NEK10: variants seen among roughly 807,000 people sequenced by gnomAD.
NEK10 encodes the protein serine/threonine-protein kinase Nek10.
Under a neutral mutation model 159.8 loss-of-function variants are expected in NEK10, and 122 were observed. The ratio of observed to expected loss-of-function variants is 0.76; its 90% CI spans 0.66 to 0.89. NEK10 has a LOEUF of 0.89. Ranked by LOEUF, NEK10 falls within the 40% of genes least tolerant of loss-of-function variation. NEK10 has a pLI of 0.00. For synonymous variants in NEK10, 466 were observed against 457.1 expected (o/e 1.02, Z -0.25); for missense variants, 1,342 against 1,323.1 (o/e 1.01, Z -0.22).
intron 22 of NEK10, among the ~76,000 whole-genome samples, chr3:27,275,326 C>A (rs1011495219): frequency 1.3e-5 from 2 of 152,144 alleles, no homozygotes; most frequent in Non-Finnish European, 2.9e-5. Flanking sequence ...ACTGAATTTC[C>A]TTTGACATTT....
At chr3:27,153,754 T>C (rs1268763357) in intron 30 of NEK10, among the ~76,000 whole-genome samples, 2 of 152,086 alleles carry the variant, frequency 1.3e-5, no homozygotes, top group South Asian at 2.1e-4. Flanking sequence ...ATTCTTTGAA[T>C]TGAATGACAA....
chr3:27,341,305 T>C (rs866795703), intron 5 of NEK10, among the ~76,000 whole-genome samples: 1 of 152,104 alleles, frequency 6.6e-6, no homozygotes, highest in African/African-American at 2.4e-5. Context: ...CGCGTGACTA[T>C]AGTTAACAAC....
chr3:27,359,146 G>C (rs1189239544), intron 1 of NEK10, among the ~76,000 whole-genome samples: 1 of 147,104 alleles, frequency 6.8e-6, no homozygotes, highest in Admixed American at 6.9e-5. Flanking sequence ...AGGTTGCAGT[G>C]AGCCGAGACC....
rs1001724728 is a variant in NEK10, at chr3:27,109,315, G to A, written c.*1957C>T. On this transcript the variant is annotated 3_prime_UTR_variant, in exon 36 of 36. Coordinates refer to ENST00000691995, the MANE Select transcript of NEK10 (RefSeq NM_001394966.1). ...AATTGCTTGAACCTGGGTGGCGGAG[G>A]TTGCAGTAAGTTAAGATCTCGCCAT... is the stretch of plus-strand genomic sequence containing the variant. Among the ~76,000 whole-genome samples the A allele has an allele frequency of 2.0e-5, 3 of 149,360 alleles. No individual in the cohort carries two copies. The highest frequency in any genetic ancestry group is 4.4e-5 in the Non-Finnish European group (3 of 67,600).
At chr3:27,239,035 T>G (rs1954273796) in intron 23 of NEK10, among the ~76,000 whole-genome samples, 1 of 152,060 alleles carries the variant, frequency 6.6e-6, no homozygotes, top group Admixed American at 6.6e-5. Context: ...AAGTTACACA[T>G]GAAGACTTGG....
At chr3:27,131,503 T>C (rs1436603951) in intron 32 of NEK10, among the ~76,000 whole-genome samples, 3 of 152,182 alleles carry the variant, frequency 2.0e-5, no homozygotes, top group Non-Finnish European at 4.4e-5. Flanking sequence ...AAAAAATCAA[T>C]GGCCCCAGAT....
chr3:27,150,908 T>C (rs1944790304), intron 30 of NEK10, among the ~76,000 whole-genome samples: 1 of 152,054 alleles, frequency 6.6e-6, no homozygotes, highest in South Asian at 2.1e-4. Context: ...AAGAACAAAC[T>C]AGGAATCCTG....
chr3:27,263,306 C>T (rs1203895033), intron 22 of NEK10, among the ~76,000 whole-genome samples: 1 of 152,216 alleles, frequency 6.6e-6, no homozygotes, highest in Admixed American at 6.5e-5. Context: ...CTCAGATCTC[C>T]AGCTGCGTGC....
At chr3:27,273,978 C>T (rs2041575380) in intron 22 of NEK10, among the ~76,000 whole-genome samples, 1 of 146,490 alleles carries the variant, frequency 6.8e-6, no homozygotes, top group Non-Finnish European at 1.5e-5. Context: ...ATCTCTGCCC[C>T]TCAAACTGCT....
At chr3:27,326,523 T>TAATATA (rs1575758458) in intron 5 of NEK10, among the ~76,000 whole-genome samples, 1 of 152,198 alleles carries the variant, frequency 6.6e-6, no homozygotes, top group Non-Finnish European at 1.5e-5. Flanking sequence ...TTTTTCATAT[T>TAATATA]AATATAAATA....
At chr3:27,306,846 G>T (rs1479502287) in intron 11 of NEK10, among the ~76,000 whole-genome samples, 1 of 152,024 alleles carries the variant, frequency 6.6e-6, no homozygotes, top group Non-Finnish European at 1.5e-5. Context: ...TGTTCTTATG[G>T]TCCTGCTGTG....
chr3:27,334,544 T>C (rs954884416), intron 5 of NEK10, among the ~76,000 whole-genome samples: 2 of 152,186 alleles, frequency 1.3e-5, no homozygotes, highest in Middle Eastern at 6.8e-3. Flanking sequence ...TAGCCTACCT[T>C]GTGTCCCAGT....
intron 23 of NEK10, among the ~76,000 whole-genome samples, chr3:27,239,417 T>C (rs1954305478): frequency 6.6e-6 from 1 of 152,088 alleles, no homozygotes; most frequent in Non-Finnish European, 1.5e-5. Flanking sequence ...GTGAGGGTAA[T>C]TGTGGGTAGG....
intron 23 of NEK10, among the ~76,000 whole-genome samples, chr3:27,241,865 C>G (rs987046811): frequency 2.6e-5 from 4 of 152,130 alleles, no homozygotes; most frequent in Admixed American, 2.6e-4. Context: ...GAATCTTGAG[C>G]CTGGACATTG....
chr3:27,207,098 C>G (rs920430252), intron 23 of NEK10, among the ~76,000 whole-genome samples: 1 of 152,208 alleles, frequency 6.6e-6, no homozygotes, highest in African/African-American at 2.4e-5. Context: ...TCCCAGGGAA[C>G]CTTTCTGATG....
intron 31 of NEK10, among the ~76,000 whole-genome samples, 159 bp downstream of exon 31, chr3:27,141,323 T>C (rs893476662): frequency 2.6e-5 from 4 of 152,202 alleles, no homozygotes; most frequent in Non-Finnish European, 5.9e-5. Context: ...TCTACTGCCT[T>C]CCCAGCTCTG....
At chr3:27,365,610 GTTTTTTTTT>G (rs71091129) in intron 1 of NEK10, among the ~76,000 whole-genome samples, 8 of 99,106 alleles carry the variant, frequency 8.1e-5, no homozygotes, top group East Asian at 3.3e-4. Context: ...TTTTTTTTGT[GTTTTTTTTT>G]TTTTTTTTTT....
intron 26 of NEK10, among the ~76,000 whole-genome samples, chr3:27,185,013 C>T (rs1023415705): frequency 2.0e-5 from 3 of 151,974 alleles, no homozygotes; most frequent in Non-Finnish European, 2.9e-5. Context: ...TTCTTATATG[C>T]TCAACTTTAA....
rs1427490865 is a variant in NEK10, at chr3:27,168,801, T to C, written c.2831+3018A>G. Reference sequence around the variant, plus strand: ...ACCTTGGAACATACTTTCCAAAACATCAACTTCAATGTATGGGCCACTTTC... The same window carrying C: ...ACCTTGGAACATACTTTCCAAAACACCAACTTCAATGTATGGGCCACTTTC... On this transcript the variant is annotated intron_variant, in intron 29 of 35. Coordinates refer to ENST00000691995, the MANE Select transcript of NEK10 (RefSeq NM_001394966.1). Among the ~76,000 whole-genome samples, 5 of 152,214 alleles carry C rather than the reference T, an allele frequency of 3.3e-5. No individual in the cohort carries two copies. In the East Asian group the frequency reaches 9.6e-4, roughly 29 times the overall value.
Sources: allele counts gnomAD v4.1 joint callset (sites outside exome capture counted in the v4.1 genomes callset), GRCh38; gene constraint gnomAD v4.1.1; transcripts MANE v1.5; gene names NCBI Gene and HGNC (gene_info 2026-07-23, HGNC 2026-07-21).